The following ANKRD31 variants were observed in gnomAD, a reference collection of about 807,000 sequenced individuals.
ANKRD31 encodes the protein ankyrin repeat domain 31.
ANKRD31 carries 147 observed loss-of-function variants against 186.0 expected under a neutral mutation model. The ratio of observed to expected loss-of-function variants is 0.79; its 90% CI spans 0.69 to 0.91. ANKRD31 has a LOEUF of 0.91. ANKRD31 is among the 40% of genes least tolerant of loss of function. ANKRD31 has a pLI of 0.00. For synonymous variants in ANKRD31, 673 were observed against 736.4 expected (o/e 0.91, Z 1.39); for missense variants, 1,986 against 2,148.8 (o/e 0.92, Z 1.50).
intron 2 of ANKRD31, among the ~76,000 whole-genome samples, chr5:75,227,380 T>C (rs1252266536): frequency 6.6e-6 from 1 of 152,128 alleles, no homozygotes. Flanking sequence ...AGAGTGAGTA[T>C]AGTCAAAATT....
intron 17 of ANKRD31, among the ~76,000 whole-genome samples, chr5:75,130,017 C>A (rs908478661): frequency 6.6e-6 from 1 of 152,110 alleles, no homozygotes; most frequent in Non-Finnish European, 1.5e-5. Flanking sequence ...AGCTGTGGAC[C>A]CTCGTGGTGA....
intron 8 of ANKRD31, 124 bp from the exon 9 acceptor site, chr5:75,192,900 G>T: frequency 1.3e-6 from 1 of 750,476 alleles, no homozygotes; most frequent in South Asian, 2.0e-5. Flanking sequence ...TTCTCAAGTG[G>T]CGTGGCAGTT....
intron 22 of ANKRD31, among the ~76,000 whole-genome samples, chr5:75,098,823 A>G (rs9764806): frequency 0.51 from 77,076 of 151,860 alleles, 22,615 homozygotes; most frequent in African/African-American, 0.82. Context: ...AGCTTAAGGA[A>G]ATTTTGGGCT....
At chr5:75,161,725 C>T (rs1369110033) in intron 11 of ANKRD31, among the ~76,000 whole-genome samples, 1 of 152,172 alleles carries the variant, frequency 6.6e-6, no homozygotes, top group Non-Finnish European at 1.5e-5. Context: ...GGGCCAGGGT[C>T]CCGATGCTGT....
At chr5:75,107,664 G>C in intron 20 of ANKRD31, 47 bp from the exon 21 acceptor site, 58 of 1,064,628 alleles carry the variant, frequency 5.4e-5, no homozygotes, top group Non-Finnish European at 7.1e-5. Context: ...GAGAGTGAAT[G>C]TCAAATTTGG....
At chr5:75,207,503 A>C (rs1379306235) in intron 4 of ANKRD31, among the ~76,000 whole-genome samples, 1 of 152,186 alleles carries the variant, frequency 6.6e-6, no homozygotes, top group Non-Finnish European at 1.5e-5. Flanking sequence ...AACAACCTAA[A>C]TGTCCAGTAG....
chr5:75,215,154 A>G (rs896042397), intron 3 of ANKRD31, among the ~76,000 whole-genome samples: 2 of 152,164 alleles, frequency 1.3e-5, no homozygotes, highest in African/African-American at 4.8e-5. Flanking sequence ...AATGGTGCTG[A>G]TAAAATCTAA....
At chr5:75,166,127 G>A (rs1360969885) in intron 11 of ANKRD31, among the ~76,000 whole-genome samples, 1 of 152,136 alleles carries the variant, frequency 6.6e-6, no homozygotes, top group East Asian at 1.9e-4. Flanking sequence ...TAGCCAAACA[G>A]TCCAGAGTTC....
chr5:75,112,154 G>A (rs1394176395), intron 20 of ANKRD31, among the ~76,000 whole-genome samples: 1 of 151,918 alleles, frequency 6.6e-6, no homozygotes, highest in Non-Finnish European at 1.5e-5. Context: ...GCAGTGGCGC[G>A]ATCTTGGCTC....
chr5:75,140,234 AGAAGGAAGGAAG>A (rs146909283), intron 15 of ANKRD31, among the ~76,000 whole-genome samples: 8 of 101,768 alleles, frequency 7.9e-5, no homozygotes, highest in Non-Finnish European at 8.7e-5. Flanking sequence ...AAAGAAAGAA[AGAAGGAAGGAAG>A]GAAGGAAGGA....
intron 25 of ANKRD31, among the ~76,000 whole-genome samples, chr5:75,079,137 T>C (rs1334112372): frequency 6.6e-6 from 1 of 152,198 alleles, no homozygotes; most frequent in Non-Finnish European, 1.5e-5. Flanking sequence ...ATTTAATTAG[T>C]TTTTGTATAC....
At chr5:75,102,481 CT>C (rs1377975630) in intron 22 of ANKRD31, among the ~76,000 whole-genome samples, 1 of 152,250 alleles carries the variant, frequency 6.6e-6, no homozygotes, top group Non-Finnish European at 1.5e-5. Flanking sequence ...ACGTTTAAGT[CT>C]GCAGAAGTTT....
chr5:75,113,294 C>A (rs1437116638), intron 19 of ANKRD31, among the ~76,000 whole-genome samples: 2 of 152,156 alleles, frequency 1.3e-5, no homozygotes, highest in African/African-American at 2.4e-5. Context: ...AATGTCAGCA[C>A]AAAGTAAGAA....
intron 17 of ANKRD31, among the ~76,000 whole-genome samples, chr5:75,131,845 G>A (rs567641386): frequency 5.3e-5 from 8 of 152,330 alleles, no homozygotes; most frequent in African/African-American, 9.6e-5. Context: ...AACATTTGCC[G>A]TTCTCCAATA....
rs116305046 is a variant in ANKRD31, at chr5:75,157,517, G to A, written c.1708-3172C>T. 8.4e-3 allele frequency among the ~76,000 whole-genome samples: 1,273 copies of A among 152,322 alleles called. 32 individuals carry two copies. The highest frequency in any genetic ancestry group is 0.028 in the African/African-American group (1,182 of 41,586). The stretch of plus-strand genomic sequence containing the variant: ...ATCAAGATTGGAAAAGATGGTAAAA[G>A]TTGGAGATTCCTGTAAGAAAAGTGT... On this transcript the variant is annotated intron_variant, in intron 11 of 25. Transcript: ENST00000506364.
chr5:75,214,541 G>C (rs532046638), intron 3 of ANKRD31, among the ~76,000 whole-genome samples: 1 of 152,296 alleles, frequency 6.6e-6, no homozygotes, highest in East Asian at 1.9e-4. Context: ...GGCTTTAAAA[G>C]ACCATGCAGT....
In ANKRD31 at chr5:75,146,342, C is replaced by A; in HGVS notation, c.3069G>T (p.Lys1023Asn). 6.5e-7 allele frequency: 1 copy of A among 1,536,544 alleles called. No homozygotes were observed. Among genetic ancestry groups the A allele is most frequent in the South Asian group, 1.2e-5 (1 of 84,042 alleles). ...TGAATAGCTCCACATGATTAGTCAACTTTGAAGCCTCATGTGTCAAAAGTG... is the reference window on the plus strand; with the variant it reads ...TGAATAGCTCCACATGATTAGTCAAATTTGAAGCCTCATGTGTCAAAAGTG... ...MRTLLTHEAS[K>N]LTNHVELFKK... is the part of the protein sequence containing the mutation. Residue 1023 changes from lysine (K) to asparagine (N), a missense_variant, in exon 14 of 26, where the codon AAG becomes AAT. Lys to Asn is a moderately conservative substitution (Grantham distance 94). Coordinates refer to ENST00000506364, the MANE Select transcript of ANKRD31 (RefSeq NM_001372053.1).
intron 3 of ANKRD31, 56 bp from the exon 4 acceptor site, chr5:75,210,921 A>G (rs1193706677): frequency 8.3e-7 from 1 of 1,202,862 alleles, no homozygotes; most frequent in Admixed American, 3.0e-5. Flanking sequence ...CAATGCAACA[A>G]GCTAAAAAAA....
At chr5:75,151,131 T>C (rs1416294948) in intron 12 of ANKRD31, among the ~76,000 whole-genome samples, 8 of 152,042 alleles carry the variant, frequency 5.3e-5, no homozygotes, top group African/African-American at 1.4e-4. Flanking sequence ...ATCAAGTATA[T>C]GATTTATAAA....
Sources: gnomAD v4.1 joint callset for allele counts (sites outside exome capture counted in the v4.1 genomes callset) on GRCh38, gnomAD v4.1.1 for gene constraint, MANE v1.5 for transcripts, NCBI Gene and HGNC (gene_info 2026-07-23, HGNC 2026-07-21) for gene names.